Variants in GRID2 observed in about 807,000 individuals in gnomAD.
GRID2 encodes the protein glutamate receptor ionotropic, delta-2.
Under a neutral mutation model 114.8 loss-of-function variants are expected in GRID2, and 33 were observed. That is an observed-to-expected ratio of 0.29 (90% CI 0.22 to 0.38). The LOEUF is 0.38. Among genes scored for constraint, GRID2 ranks in the 10% least tolerant of loss-of-function variants. GRID2 has a pLI of 1.00. For synonymous variants in GRID2, 505 were observed against 449.9 expected, an observed-to-expected ratio of 1.12 and a Z score of -1.55; for missense variants, 1,184 against 1,257.7, an observed-to-expected ratio of 0.94 and a Z score of 0.89.
At chr4:93,437,652 A>C (rs1177249309) in intron 10 of GRID2, among the ~76,000 whole-genome samples, 1 of 152,158 alleles carries the variant, frequency 6.6e-6, no homozygotes, top group African/African-American at 2.4e-5. Context: ...TCCATAAAAA[A>C]TTAAAACTTT....
At chr4:93,298,326 A>C (rs1192837239) in intron 8 of GRID2, among the ~76,000 whole-genome samples, 1 of 152,222 alleles carries the variant, frequency 6.6e-6, no homozygotes, top group Non-Finnish European at 1.5e-5. Flanking sequence ...GTCTAAGATC[A>C]GGAGGCCAGT....
intron 1 of GRID2, among the ~76,000 whole-genome samples, chr4:93,797,482 A>G (rs1262432748): frequency 6.6e-6 from 1 of 152,204 alleles, no homozygotes; most frequent in Non-Finnish European, 1.5e-5. Context: ...TTGGAAAGAT[A>G]CAGAGGAAGG....
At chr4:93,122,961 A>G (rs1160329280) in intron 4 of GRID2, among the ~76,000 whole-genome samples, 2 of 135,870 alleles carry the variant, frequency 1.5e-5, no homozygotes, top group African/African-American at 2.8e-5. Context: ...CCTAAATTGT[A>G]TATGATAGTT....
intron 2 of GRID2, among the ~76,000 whole-genome samples, chr4:92,683,130 T>C (rs971709128): frequency 6.6e-6 from 1 of 152,022 alleles, no homozygotes; most frequent in African/African-American, 2.4e-5. Context: ...AAACCTTGCC[T>C]CTACTAAAAA....
intron 2 of GRID2, among the ~76,000 whole-genome samples, chr4:92,829,171 G>A (rs952415093): frequency 1.3e-5 from 2 of 151,882 alleles, no homozygotes; most frequent in Non-Finnish European, 2.9e-5. Context: ...GCCTTTAATC[G>A]ATCTTGAGTT....
At chr4:93,320,587 A>T (rs1036902992) in intron 8 of GRID2, among the ~76,000 whole-genome samples, 3 of 152,110 alleles carry the variant, frequency 2.0e-5, no homozygotes, top group African/African-American at 7.2e-5. Flanking sequence ...TCTAAGGACT[A>T]TCTATGGACT....
intron 4 of GRID2, among the ~76,000 whole-genome samples, chr4:93,136,026 T>C (rs544643336): frequency 6.6e-6 from 1 of 152,324 alleles, no homozygotes; most frequent in Admixed American, 6.5e-5. Context: ...TTCAAATTAA[T>C]TACAGGTTCA....
rs200082049 is a variant in GRID2, at chr4:92,897,472, G to A, written c.245-187523G>A. On this transcript the variant is annotated intron_variant, in intron 2 of 15. Transcript: ENST00000282020. ...AGAATGAATGGGAGTTCATTTTTAA[G>A]TCAACATCTATTTCCCTTTTTTGTC... Among the ~76,000 whole-genome samples the A allele has an allele frequency of 4.3e-4, 66 of 152,146 alleles. No homozygotes were observed. The East Asian group carries it at 9.9e-3, about 23-fold the overall frequency.
intron 2 of GRID2, among the ~76,000 whole-genome samples, chr4:92,862,833 AT>A (rs1744619254): frequency 6.6e-6 from 1 of 152,028 alleles, no homozygotes. Context: ...TCCTTCATTC[AT>A]TTTCTTTTAA....
chr4:92,379,448 G>A (rs1015203608), intron 1 of GRID2, among the ~76,000 whole-genome samples: 5 of 151,932 alleles, frequency 3.3e-5, no homozygotes, highest in African/African-American at 1.2e-4. Context: ...TGTACTTTCA[G>A]CTGTTGTACA....
Position 92,997,843 on chromosome 4 carries a change from C to G in GRID2, c.245-87152C>G, listed in dbSNP as rs562238894. ...TAAGACCCTTCATGTTGAAAAATAT[C>G]AGAAAATCTAACTCTTAGTGGCTCA... is the stretch of plus-strand genomic sequence containing the variant. On this transcript the variant is annotated intron_variant, in intron 2 of 15. Coordinates refer to ENST00000282020, the MANE Select transcript of GRID2 (RefSeq NM_001510.4). 2.0e-5 allele frequency among the ~76,000 whole-genome samples: 3 copies of G among 152,146 alleles called. No individual in the cohort carries two copies. The East Asian group carries it at 5.8e-4, about 29-fold the overall frequency.
intron 8 of GRID2, among the ~76,000 whole-genome samples, chr4:93,373,825 A>G (rs916984236): frequency 2.0e-5 from 3 of 152,192 alleles, no homozygotes; most frequent in East Asian, 1.9e-4. Flanking sequence ...TCTAGTTCCA[A>G]TGAGAAATGC....
At position 93,677,623 on chromosome 4, in the gene GRID2, G is replaced by A. The variant is rs538308391; in HGVS notation, c.2360+51188G>A. 2.6e-5 allele frequency among the ~76,000 whole-genome samples: 4 copies of A among 152,192 alleles called. No individual in the cohort carries two copies. In the East Asian group the frequency reaches 7.8e-4, roughly 30 times the overall value. On this transcript the variant is annotated intron_variant, in intron 14 of 15. Transcript: ENST00000282020. ...TCAGACAGCAGCATTCGCAGTTCATGAAAATCCGCGGTTCTGCAGACACCG... is the reference window on the plus strand; with the variant it reads ...TCAGACAGCAGCATTCGCAGTTCATAAAAATCCGCGGTTCTGCAGACACCG...
chr4:92,383,626 A>G (rs1235086695), intron 1 of GRID2, among the ~76,000 whole-genome samples: 1 of 151,844 alleles, frequency 6.6e-6, no homozygotes, highest in Non-Finnish European at 1.5e-5. Context: ...TTTGTGTTGT[A>G]TTCATCTATG....
rs189834243 is a variant in GRID2, at chr4:92,887,962, T to C, written c.245-197033T>C. Among the ~76,000 whole-genome samples, 140 of 152,324 alleles carry C rather than the reference T, an allele frequency of 9.2e-4. 1 individual carries two copies. The East Asian group carries it at 0.019, about 21-fold the overall frequency. On this transcript the variant is annotated intron_variant, in intron 2 of 15. Coordinates refer to ENST00000282020, the MANE Select transcript of GRID2 (RefSeq NM_001510.4). ...ACACTGTTTCTATACATCTGTTTCCTAGTGCTTAACACAAAGAATAATGCA... is the reference window on the plus strand; with the variant it reads ...ACACTGTTTCTATACATCTGTTTCCCAGTGCTTAACACAAAGAATAATGCA...
At chr4:92,727,334 T>C (rs1736116381) in intron 2 of GRID2, among the ~76,000 whole-genome samples, 1 of 152,202 alleles carries the variant, frequency 6.6e-6, no homozygotes, top group Admixed American at 6.5e-5. Context: ...GCAAAAACAT[T>C]TTCTGTTAAG....
At chr4:93,184,410 A>G (rs1320849162) in intron 4 of GRID2, among the ~76,000 whole-genome samples, 1 of 151,040 alleles carries the variant, frequency 6.6e-6, no homozygotes, top group Admixed American at 6.6e-5. Context: ...TTTTGGCTCT[A>G]ATTTTGTATA....
chr4:93,096,510 C>A (rs1431275354), intron 3 of GRID2, among the ~76,000 whole-genome samples: 1 of 151,912 alleles, frequency 6.6e-6, no homozygotes, highest in East Asian at 1.9e-4. Context: ...TTAAAAAGCA[C>A]CAGTATGAAA....
At chr4:92,686,754 A>G (rs977425395) in intron 2 of GRID2, among the ~76,000 whole-genome samples, 1 of 152,034 alleles carries the variant, frequency 6.6e-6, no homozygotes, top group Admixed American at 6.6e-5. Context: ...TATTTAAAAA[A>G]TTAGCAATGT....
Sources: allele counts gnomAD v4.1 joint callset (sites outside exome capture counted in the v4.1 genomes callset), GRCh38; gene constraint gnomAD v4.1.1; transcripts MANE v1.5; gene names NCBI Gene and HGNC (gene_info 2026-07-23, HGNC 2026-07-21).